TNFRSF6B: variants seen among roughly 807,000 people sequenced by gnomAD.
TNFRSF6B encodes TNF receptor superfamily member 6b.
TNFRSF6B carries 23 observed loss-of-function variants against 17.9 expected under a neutral mutation model. The ratio of observed to expected loss-of-function variants is 1.28; its 90% confidence interval spans 0.92 to 1.82. TNFRSF6B has a LOEUF of 1.82. Among genes scored for constraint, TNFRSF6B ranks in the 40% most tolerant of loss-of-function variants. TNFRSF6B has a pLI of 0.00. For missense variants in TNFRSF6B, 555 were observed against 437.2 expected (o/e 1.27, Z -2.40); for synonymous variants, 291 against 195.8 (o/e 1.49, Z -4.06).
chr20:63,698,198 C>A, intron 2 of TNFRSF6B, 82 bp from the exon 3 acceptor site: 1 of 1,538,502 alleles, frequency 6.5e-7, no homozygotes, highest in Non-Finnish European at 8.8e-7. Context: ...CCGAGTGGGG[C>A]CCAGAAAGCA....
In TNFRSF6B at chr20:63,698,518, C is replaced by T. The variant is rs760801972; in HGVS notation, c.858C>T (p.Pro286=). 4.5e-5 allele frequency: 70 copies of T among 1,547,240 alleles called. No homozygotes were observed. Among genetic ancestry groups the T allele is most frequent in the South Asian group, 6.1e-5 (5 of 82,266 alleles). The change falls in exon 3 of 3, where the codon CCC becomes CCT. Residue 286 remains proline, a synonymous_variant. Transcript: ENST00000369996. ...LLQALRVARM[P]GLERSVRERF... ...AGGCGCTGCGCGTGGCCAGGATGCC[C>T]GGGCTGGAGCGGAGCGTCCGTGAGC...
chr20:63,697,291 C>A, intron 1 of TNFRSF6B, 37 bp from the exon 2 acceptor site: 9 of 1,591,612 alleles, frequency 5.7e-6, no homozygotes, highest in Non-Finnish European at 6.8e-6. Flanking sequence ...GCTAGGACAC[C>A]AGTTCCCCTG....
In TNFRSF6B at chr20:63,697,210, G is replaced by A. The variant is rs1363690440; in HGVS notation, c.424+19G>A. The A allele has an allele frequency of 5.8e-6, 9 of 1,553,468 alleles. No homozygotes were observed. Among genetic ancestry groups the A allele is most frequent in the East Asian group, 2.4e-5 (1 of 41,828 alleles). On this transcript the variant is annotated intron_variant, in intron 1 of 2. Coordinates refer to ENST00000369996, the MANE Select transcript of TNFRSF6B (RefSeq NM_003823.4). ...GCCCCGGGTGAGAGCTGGGCGAGGG[G>A]AGGGGCCCCCAGGAGTGGTGGCCGG...
In TNFRSF6B at chr20:63,697,527, G is replaced by A. The variant is rs1472026198; in HGVS notation, c.619+5G>A. On this transcript the variant is annotated splice_donor_5th_base_variant and intron_variant, in intron 2 of 2. Coordinates refer to ENST00000369996, the MANE Select transcript of TNFRSF6B (RefSeq NM_003823.4). ...CCCTCAGCACCAGGGTACCAGGTGA[G>A]CCAGAGGCCTGAGGGGGCAGCACAC... 1.3e-6 allele frequency: 2 copies of A among 1,539,680 alleles called. No individual in the cohort carries two copies. Among genetic ancestry groups the A allele is most frequent in the Admixed American group, 2.0e-5 (1 of 50,512 alleles).
chr20:63,697,805 CTCT>C (rs1200088775), intron 2 of TNFRSF6B, among the ~76,000 whole-genome samples: 2 of 152,192 alleles, frequency 1.3e-5, no homozygotes, highest in African/African-American at 4.8e-5. Context: ...TGGCTGGCTC[CTCT>C]GACACGGGGA....
rs780272290 is a variant in TNFRSF6B at position 63,698,410 on chromosome 20, C to A, written c.750C>A (p.Arg250=). The change falls in exon 3 of 3, where the codon CGC becomes CGA. Residue 250 remains arginine (R), a synonymous_variant. Coordinates refer to ENST00000369996, the MANE Select transcript of TNFRSF6B (RefSeq NM_003823.4). ...EGWGPTPRAG[R]AALQLKLRRR... is the part of the protein sequence containing the mutation. ...GGGGTCCGACACCAAGGGCGGGCCG[C>A]GCGGCCTTGCAGCTGAAGCTGCGTC... is the stretch of plus-strand genomic sequence containing the variant. 1 of 1,593,546 alleles carries A rather than the reference C, an allele frequency of 6.3e-7. No homozygotes were observed. The highest frequency in any genetic ancestry group is 1.1e-5 in the South Asian group (1 of 89,444).
chr20:63,698,496 C>T lies in TNFRSF6B; in HGVS notation c.836C>T (p.Ala279Val), dbSNP rs771699576. Reference sequence around the variant, plus strand: ...GCGCTGCTGGTGCGGCTGCTGCAGGCGCTGCGCGTGGCCAGGATGCCCGGG... The same window carrying T: ...GCGCTGCTGGTGCGGCTGCTGCAGGTGCTGCGCGTGGCCAGGATGCCCGGG... ...DGALLVRLLQ[A>V]LRVARMPGLE... The change falls in exon 3 of 3, where the codon GCG (alanine) becomes GTG (valine). Residue 279 changes from alanine to valine, a missense_variant. Physicochemically the swap from Ala to Val is moderately conservative, Grantham distance 64. Transcript: ENST00000369996. The T allele has an allele frequency of 1.6e-5, 24 of 1,547,186 alleles. No individual in the cohort carries two copies. Among genetic ancestry groups the T allele is most frequent in the Middle Eastern group, 4.4e-4 (2 of 4,556 alleles).
At chr20:63,698,189 C>T (rs377550212) in intron 2 of TNFRSF6B, 91 bp from the exon 3 acceptor site, 91 of 1,504,406 alleles carry the variant, frequency 6.0e-5, no homozygotes, top group Non-Finnish European at 3.5e-5. Flanking sequence ...GCAAACCCCC[C>T]GAGTGGGGCC....
chr20:63,697,185 G>C lies in TNFRSF6B; in HGVS notation c.418G>C (p.Ala140Pro). 1.9e-6 allele frequency: 3 copies of C among 1,559,712 alleles called. No homozygotes were observed. The highest frequency in any genetic ancestry group is 2.6e-6 in the Non-Finnish European group (3 of 1,151,556). ...ASCPPGAGVI[A>P]PGTPSQNTQC... ...GTGTCCACCTGGTGCCGGCGTGATT[G>C]CCCCGGGTGAGAGCTGGGCGAGGGG... Residue 140 changes from alanine to proline, a missense_variant, in exon 1 of 3, where the codon GCC (alanine) becomes CCC (proline). Transcript: ENST00000369996.
chr20:63,698,384 T>C lies in TNFRSF6B; in HGVS notation c.724T>C (p.Trp242Arg), dbSNP rs777257548. 14 of 1,606,058 alleles carry C rather than the reference T, an allele frequency of 8.7e-6. No individual in the cohort carries two copies. The South Asian group carries it at 1.4e-4, about 16-fold the overall frequency. The change falls in exon 3 of 3, where the codon TGG (tryptophan) becomes CGG (arginine). Residue 242 changes from tryptophan to arginine, a missense_variant. By Grantham distance (101) the Trp-to-Arg change is moderately radical. Transcript: ENST00000369996. ...GCAGGCCCTCGAGGCCCCGGAGGGC[T>C]GGGGTCCGACACCAAGGGCGGGCCG... is the stretch of plus-strand genomic sequence containing the variant. ...LLQALEAPEG[W>R]GPTPRAGRAA...
rs371940556 is a variant in TNFRSF6B at position 63,696,994 on chromosome 20, G to C, written c.227G>C (p.Arg76Pro). 27 of 1,608,054 alleles carry C rather than the reference G, an allele frequency of 1.7e-5. No homozygotes were observed. The highest frequency in any genetic ancestry group is 2.0e-5 in the Non-Finnish European group (24 of 1,179,166). ...SPTTCGPCPP[R>P]HYTQFWNYLE... ...ACGACGTGTGGCCCGTGTCCACCGCGCCACTACACGCAGTTCTGGAACTAC... is the reference window on the plus strand; with the variant it reads ...ACGACGTGTGGCCCGTGTCCACCGCCCCACTACACGCAGTTCTGGAACTAC... The change falls in exon 1 of 3, where the codon CGC becomes CCC. Residue 76 changes from arginine to proline, a missense_variant. Physicochemically the swap from Arg to Pro is moderately radical, Grantham distance 103. Transcript: ENST00000369996.
At position 63,697,216 on chromosome 20, in the gene TNFRSF6B, C is replaced by G; in HGVS notation, c.424+25C>G. 12 of 1,550,928 alleles carry G rather than the reference C, an allele frequency of 7.7e-6. No homozygotes were observed. The Middle Eastern group carries it at 5.3e-4, about 68-fold the overall frequency. On this transcript the variant is annotated intron_variant, in intron 1 of 2. Transcript: ENST00000369996. ...GGTGAGAGCTGGGCGAGGGGAGGGG[C>G]CCCCAGGAGTGGTGGCCGGAGGTGT...
chr20:63,697,414 C>A lies in TNFRSF6B; in HGVS notation c.511C>A (p.His171Asn). ...SSSSSEQCQP[H>N]RNCTALGLAL... ...CTCCAGCTCAGAGCAGTGCCAGCCC[C>A]ACCGCAACTGCACGGCCCTGGGCCT... Residue 171 changes from histidine to asparagine, a missense_variant, in exon 2 of 3, where the codon CAC becomes AAC. Transcript: ENST00000369996. 6.2e-7 allele frequency: 1 copy of A among 1,610,748 alleles called. No homozygotes were observed. The highest frequency in any genetic ancestry group is 8.5e-7 in the Non-Finnish European group (1 of 1,179,236).
rs767148255 is a variant in TNFRSF6B, at chr20:63,697,518, A to G, written c.615A>G (p.Val205=). ...SCTGFPLSTR[V]PGAEECERAV... ...CTGGCTTCCCCCTCAGCACCAGGGT[A>G]CCAGGTGAGCCAGAGGCCTGAGGGG... Residue 205 remains valine (V), a synonymous_variant, in exon 2 of 3, where the codon GTA becomes GTG. Transcript: ENST00000369996. 3 of 1,544,912 alleles carry G rather than the reference A, an allele frequency of 1.9e-6. No homozygotes were observed. The highest frequency in any genetic ancestry group is 2.6e-6 in the Non-Finnish European group (3 of 1,142,042).
chr20:63,698,477 C>G lies in TNFRSF6B; in HGVS notation c.817C>G (p.Leu273Val). Residue 273 changes from leucine to valine, a missense_variant, in exon 3 of 3, where the codon CTG (leucine) becomes GTG (valine). Leu to Val is a conservative substitution (Grantham distance 32). Transcript: ENST00000369996. Reference sequence around the variant, plus strand: ...CCTGGGGGCGCAGGACGGGGCGCTGCTGGTGCGGCTGCTGCAGGCGCTGCG... The same window carrying G: ...CCTGGGGGCGCAGGACGGGGCGCTGGTGGTGCGGCTGCTGCAGGCGCTGCG... ...ELLGAQDGAL[L>V]VRLLQALRVA... 1 of 1,550,802 alleles carries G rather than the reference C, an allele frequency of 6.4e-7. No homozygotes were observed. Among genetic ancestry groups the G allele is most frequent in the Non-Finnish European group, 8.6e-7 (1 of 1,156,732 alleles).
chr20:63,697,358 C>T lies in TNFRSF6B; in HGVS notation c.455C>T (p.Pro152Leu), dbSNP rs750495971. Residue 152 changes from proline (P) to leucine (L), a missense_variant, in exon 2 of 3, where the codon CCG (proline) becomes CTG (leucine). By Grantham distance (98) the Pro-to-Leu change is moderately conservative (BLOSUM62 -3). Transcript: ENST00000369996. ...CCCAGCCAGAACACGCAGTGCCAGC[C>T]GTGCCCCCCAGGCACCTTCTCAGCC... ...GTPSQNTQCQPCPPGTFSASS... is the reference protein window; with the variant it reads ...GTPSQNTQCQLCPPGTFSASS... 38 of 1,591,080 alleles carry T rather than the reference C, an allele frequency of 2.4e-5. No homozygotes were observed. Among genetic ancestry groups the T allele is most frequent in the Middle Eastern group, 3.3e-4 (2 of 6,006 alleles).
Position 63,698,438 on chromosome 20 carries a change from C to A in TNFRSF6B, c.778C>A (p.Arg260=). 1.3e-6 allele frequency: 2 copies of A among 1,570,792 alleles called. No homozygotes were observed. Among genetic ancestry groups the A allele is most frequent in the South Asian group, 1.2e-5 (1 of 86,280 alleles). Residue 260 remains arginine, a synonymous_variant, in exon 3 of 3, where the codon CGG becomes AGG. Coordinates refer to ENST00000369996, the MANE Select transcript of TNFRSF6B (RefSeq NM_003823.4). ...GGCCTTGCAGCTGAAGCTGCGTCGG[C>A]GGCTCACGGAGCTCCTGGGGGCGCA... The part of the protein sequence containing the change: ...RAALQLKLRR[R]LTELLGAQDG...
Position 63,697,486 on chromosome 20 carries a change from A to G in TNFRSF6B, c.583A>G (p.Ser195Gly), listed in dbSNP as rs2091007506. The change falls in exon 2 of 3, where the codon AGC becomes GGC. Residue 195 changes from serine (S) to glycine (G), a missense_variant. Ser to Gly is a moderately conservative substitution (Grantham distance 56). Transcript: ENST00000369996. ...GSSSHDTLCT[S>G]CTGFPLSTRV... ...TTCCTCCCATGACACCCTGTGCACC[A>G]GCTGCACTGGCTTCCCCCTCAGCAC... is the stretch of plus-strand genomic sequence containing the variant. 6.4e-7 allele frequency: 1 copy of G among 1,568,696 alleles called. No homozygotes were observed. Among genetic ancestry groups the G allele is most frequent in the Non-Finnish European group, 8.6e-7 (1 of 1,156,822 alleles).
rs1362783976 is a variant in TNFRSF6B at position 63,697,028 on chromosome 20, C to G, written c.261C>G (p.Arg87=). Residue 87 remains arginine (R), a synonymous_variant, in exon 1 of 3, where the codon CGC becomes CGG. Transcript: ENST00000369996. ...CGCAGTTCTGGAACTACCTAGAGCG[C>G]TGCCGCTACTGCAACGTCCTCTGCG... The part of the protein sequence containing the change: ...HYTQFWNYLE[R]CRYCNVLCGE... 1 of 1,607,290 alleles carries G rather than the reference C, an allele frequency of 6.2e-7. No individual in the cohort carries two copies. Among genetic ancestry groups the G allele is most frequent in the Admixed American group, 1.7e-5 (1 of 59,954 alleles).
Sources: gnomAD v4.1 joint callset for allele counts (sites outside exome capture counted in the v4.1 genomes callset) on GRCh38, gnomAD v4.1.1 for gene constraint, MANE v1.5 for transcripts, NCBI Gene and HGNC (gene_info 2026-07-23, HGNC 2026-07-21) for gene names.